IL16: variants seen among roughly 807,000 people sequenced by gnomAD.
The protein encoded by IL16 is pro-interleukin-16.
In IL16, 67 loss-of-function variants were observed where a neutral mutation model predicts 110.1. That is an observed-to-expected ratio of 0.61 (90% CI 0.50 to 0.75). The LOEUF is 0.75. IL16 is among the 30% of genes least tolerant of loss of function. The pLI is 0.00. For synonymous variants in IL16, 689 were observed against 662.9 expected, an observed-to-expected ratio of 1.04 and a Z score of -0.61; for missense variants, 1,545 against 1,655.0, an observed-to-expected ratio of 0.93 and a Z score of 1.15.
At chr15:81,218,603 A>G (rs1475790056) in intron 1 of IL16, among the ~76,000 whole-genome samples, 3 of 152,204 alleles carry the variant, frequency 2.0e-5, no homozygotes, top group Admixed American at 6.5e-5. Context: ...AAAAGAAATC[A>G]AGTGTAGGAA....
intron 9 of IL16, among the ~76,000 whole-genome samples, chr15:81,283,033 T>C (rs1899260837): frequency 6.6e-6 from 1 of 152,124 alleles, no homozygotes; most frequent in Admixed American, 6.5e-5. Flanking sequence ...TCCAGGCCAC[T>C]GGGAGGGTGG....
At chr15:81,254,552 G>T (rs1358553288) in intron 2 of IL16, among the ~76,000 whole-genome samples, 3 of 152,218 alleles carry the variant, frequency 2.0e-5, no homozygotes, top group African/African-American at 7.2e-5. Flanking sequence ...GGCAGATGGA[G>T]AGACTGCTAC....
intron 1 of IL16, among the ~76,000 whole-genome samples, chr15:81,199,030 AATATATATATAT>A (rs60097662): frequency 9.6e-6 from 1 of 104,152 alleles, no homozygotes; most frequent in African/African-American, 5.2e-5. Context: ...AAAAAAAAAA[AATATATATATAT>A]ATATATATAT....
At chr15:81,295,333 G>A (rs2141589541) in intron 12 of IL16, 3 of 1,134,322 alleles carry the variant, frequency 2.6e-6, no homozygotes, top group Non-Finnish European at 3.3e-6. Context: ...TTATTTCAGG[G>A]GCTAATTCTG....
At chr15:81,236,089 T>C (rs1035544921) in intron 2 of IL16, among the ~76,000 whole-genome samples, 1 of 152,202 alleles carries the variant, frequency 6.6e-6, no homozygotes, top group Admixed American at 6.5e-5. Flanking sequence ...TCAAAGTAAT[T>C]GGTCAGACAG....
At chr15:81,221,037 T>G (rs1408796187) in intron 1 of IL16, among the ~76,000 whole-genome samples, 2 of 144,864 alleles carry the variant, frequency 1.4e-5, no homozygotes, top group African/African-American at 2.7e-5. Flanking sequence ...CCTGCCCCAC[T>G]TTTTTTTTGG....
At chr15:81,188,547 G>C (rs1464941366) in intron 1 of IL16, 4 of 426,690 alleles carry the variant, frequency 9.4e-6, no homozygotes, top group Non-Finnish European at 1.4e-5. Context: ...CAGCAGCCCA[G>C]GGGATAGGTA....
chr15:81,189,364 TCCA>T (rs1325454987), intron 1 of IL16, among the ~76,000 whole-genome samples: 1 of 152,126 alleles, frequency 6.6e-6, no homozygotes, highest in East Asian at 1.9e-4. Flanking sequence ...TCTCAAATGA[TCCA>T]CCTGCCTTGG....
chr15:81,224,551 C>G (rs1595964739), intron 1 of IL16, among the ~76,000 whole-genome samples: 1 of 152,168 alleles, frequency 6.6e-6, no homozygotes, highest in Non-Finnish European at 1.5e-5. Context: ...GTGACTCTGG[C>G]CAAGTGTTTG....
At chr15:81,248,518 T>C (rs1490126732) in intron 2 of IL16, among the ~76,000 whole-genome samples, 2 of 149,632 alleles carry the variant, frequency 1.3e-5, no homozygotes, top group African/African-American at 4.9e-5. Context: ...AAAAATTATC[T>C]TTAAAATTAT....
intron 10 of IL16, 74 bp from the exon 11 acceptor site, chr15:81,290,379 G>T (rs766601553): frequency 1.0e-5 from 10 of 976,546 alleles, no homozygotes; most frequent in Non-Finnish European, 1.6e-5. Flanking sequence ...CCCAGCTTTG[G>T]AGCTGGTACG....
chr15:81,309,157 A>G lies in IL16; in HGVS notation c.*359A>G, dbSNP rs749198028. ...TGTAACTGTGTCATGATTCACCCCC[A>G]AACAGTGACATTTATTTTTCTCATG... On this transcript the variant is annotated 3_prime_UTR_variant, in exon 19 of 19. Transcript: ENST00000683961. 1 of 202,230 alleles carries G rather than the reference A, an allele frequency of 4.9e-6. No homozygotes were observed. Among genetic ancestry groups the G allele is most frequent in the Non-Finnish European group, 9.9e-6 (1 of 100,704 alleles). The allele number at this position is 202,230 out of a possible 1,614,324, so 12.5% of individuals were successfully genotyped here. A position where few individuals can be genotyped will look rare whatever the true frequency, so the allele number is the denominator to read the frequency against.
At chr15:81,228,754 A>G (rs1807801453) in intron 2 of IL16, among the ~76,000 whole-genome samples, 1 of 152,168 alleles carries the variant, frequency 6.6e-6, no homozygotes, top group Non-Finnish European at 1.5e-5. Context: ...AATAATAGCA[A>G]TATTGCTATT....
In IL16 at chr15:81,308,933, C is replaced by T. The variant is rs1900712991; in HGVS notation, c.*135C>T. 5.7e-6 allele frequency: 4 copies of T among 707,342 alleles called. No homozygotes were observed. The highest frequency in any genetic ancestry group is 2.3e-6 in the Non-Finnish European group (1 of 435,630). The allele number at this position is 707,342 out of a possible 1,614,324, so 43.8% of individuals were successfully genotyped here. A position where few individuals can be genotyped will look rare whatever the true frequency, so the allele number is the denominator to read the frequency against. ...GGTGGGCTTCCCAGTGGCTGCTGCC[C>T]AGGCCCAGACCTTCTAGGACGCCAC... On this transcript the variant is annotated 3_prime_UTR_variant, in exon 19 of 19. Coordinates refer to ENST00000683961, the MANE Select transcript of IL16 (RefSeq NM_172217.5).
intron 2 of IL16, among the ~76,000 whole-genome samples, chr15:81,251,568 GA>G: frequency 6.6e-6 from 1 of 152,190 alleles, no homozygotes; most frequent in East Asian, 1.9e-4. Context: ...TCTTTGTATA[GA>G]CATCTTTGTG....
At chr15:81,232,222 T>C (rs1897031527) in intron 2 of IL16, among the ~76,000 whole-genome samples, 1 of 152,146 alleles carries the variant, frequency 6.6e-6, no homozygotes, top group Admixed American at 6.5e-5. Context: ...TTCTGCAAAG[T>C]TTGATTGGAG....
intron 11 of IL16, among the ~76,000 whole-genome samples, chr15:81,291,239 C>G (rs2142353496): frequency 6.6e-6 from 1 of 152,316 alleles, no homozygotes; most frequent in Middle Eastern, 3.4e-3. Flanking sequence ...GAGAAAAGAA[C>G]AGAACACAAT....
intron 1 of IL16, among the ~76,000 whole-genome samples, chr15:81,200,405 T>C (rs777637886): frequency 6.6e-5 from 10 of 152,188 alleles, no homozygotes; most frequent in Admixed American, 2.0e-4. Context: ...GGTCTCACTC[T>C]GTTGCCCAGG....
At chr15:81,260,519 A>G (rs1898112949) in intron 3 of IL16, among the ~76,000 whole-genome samples, 1 of 152,192 alleles carries the variant, frequency 6.6e-6, no homozygotes, top group Non-Finnish European at 1.5e-5. Flanking sequence ...CCAACTCCCT[A>G]TTATTAGATA....
Sources: allele counts gnomAD v4.1 joint callset (sites outside exome capture counted in the v4.1 genomes callset), GRCh38; gene constraint gnomAD v4.1.1; transcripts MANE v1.5; gene names NCBI Gene and HGNC (gene_info 2026-07-23, HGNC 2026-07-21).